The following CYP2C18 variants were observed in gnomAD, a reference collection of about 807,000 sequenced individuals.
The protein encoded by CYP2C18 is cytochrome P450 2C18.
In CYP2C18, 38 loss-of-function variants were observed where a neutral mutation model predicts 41.3. That is an observed-to-expected ratio of 0.92 (90% CI 0.71 to 1.21). The LOEUF (loss-of-function observed/expected upper bound fraction) is 1.21, where lower values mean the gene tolerates loss of function less well. Among genes scored for constraint, CYP2C18 ranks in the 50% most tolerant of loss-of-function variants. The pLI is 0.00. For missense variants in CYP2C18, 635 were observed against 591.4 expected, an observed-to-expected ratio of 1.07 and a Z score of -0.77; for synonymous variants, 236 against 210.0, an observed-to-expected ratio of 1.12 and a Z score of -1.07.
intron 1 of CYP2C18, among the ~76,000 whole-genome samples, chr10:94,687,184 T>C (rs1190188286): frequency 6.6e-6 from 1 of 152,218 alleles, no homozygotes; most frequent in Non-Finnish European, 1.5e-5. Context: ...CTCTGTTGGA[T>C]CCACTCTCCT....
intron 4 of CYP2C18, among the ~76,000 whole-genome samples, chr10:94,696,780 C>T (rs1209533266): frequency 2.6e-5 from 4 of 151,940 alleles, no homozygotes; most frequent in African/African-American, 9.6e-5. Context: ...CAGAAAAGTC[C>T]TTAAAGGACC....
In CYP2C18 at chr10:94,709,874, T is replaced by C. The variant is rs565853421; in HGVS notation, c.819+2914T>C. Among the ~76,000 whole-genome samples the C allele has an allele frequency of 2.0e-3, 311 of 152,332 alleles. 1 individual carries two copies. Among genetic ancestry groups the C allele is most frequent in the Non-Finnish European group, 2.8e-3 (190 of 68,036 alleles). On this transcript the variant is annotated intron_variant, in intron 5 of 8. Coordinates refer to ENST00000285979, the MANE Select transcript of CYP2C18 (RefSeq NM_000772.3). ...AGACTATTCATTCCCCATTGAGTGA[T>C]CGTGGTACATTTGTTGAAATTCAGT...
chr10:94,704,324 G>GTT (rs148848113), intron 4 of CYP2C18, among the ~76,000 whole-genome samples: 113 of 145,068 alleles, frequency 7.8e-4, no homozygotes, highest in African/African-American at 2.2e-3. Context: ...GCCTGCTATA[G>GTT]TTTTTATTTT....
intron 3 of CYP2C18, among the ~76,000 whole-genome samples, chr10:94,693,638 C>A (rs1847057522): frequency 6.6e-6 from 1 of 152,148 alleles, no homozygotes; most frequent in South Asian, 2.1e-4. Flanking sequence ...AAAATTATCC[C>A]CTGCCTTCCA....
At chr10:94,690,182 G>C (rs535902358) in intron 3 of CYP2C18, among the ~76,000 whole-genome samples, 2 of 152,008 alleles carry the variant, frequency 1.3e-5, no homozygotes, top group South Asian at 4.1e-4. Flanking sequence ...CAAAATCCTC[G>C]GTGAATTTTA....
In CYP2C18 at chr10:94,695,935, AG is replaced by A. The variant is rs554866462; in HGVS notation, c.642+864del. On this transcript the variant is annotated intron_variant, in intron 4 of 8. Coordinates refer to ENST00000285979, the MANE Select transcript of CYP2C18 (RefSeq NM_000772.3). ...TGCAAGATGGCAATGAGGCTGGGGG[AG>A]GGGGGCCTGCCATTACTGAGGCTTG... is the stretch of plus-strand genomic sequence containing the variant. 3.4e-3 allele frequency among the ~76,000 whole-genome samples: 514 copies of A among 152,078 alleles called. 2 individuals carry two copies. Among genetic ancestry groups the A allele is most frequent in the African/African-American group, 0.012 (497 of 41,488 alleles).
chr10:94,719,051 C>G (rs1847603993), intron 5 of CYP2C18, among the ~76,000 whole-genome samples: 1 of 152,108 alleles, frequency 6.6e-6, no homozygotes. Flanking sequence ...CTTTCTCTCA[C>G]AGGGAATTGA....
intron 7 of CYP2C18, among the ~76,000 whole-genome samples, chr10:94,726,108 C>A (rs1847735809): frequency 6.6e-6 from 1 of 152,098 alleles, no homozygotes. Flanking sequence ...AGAAAGGGTT[C>A]ATCCCTCCCA....
intron 4 of CYP2C18, among the ~76,000 whole-genome samples, chr10:94,705,435 A>T (rs1847324760): frequency 6.6e-6 from 1 of 152,206 alleles, no homozygotes; most frequent in African/African-American, 2.4e-5. Context: ...TGAAGAGTTT[A>T]TAGGTGCAGT....
chr10:94,722,517 A>G (rs1002831415), intron 6 of CYP2C18, among the ~76,000 whole-genome samples: 13 of 152,168 alleles, frequency 8.5e-5, no homozygotes, highest in African/African-American at 3.1e-4. Context: ...AAGGATGATA[A>G]CCAATTTGGC....
chr10:94,731,155 C>T (rs147292805), intron 7 of CYP2C18, among the ~76,000 whole-genome samples: 45 of 152,164 alleles, frequency 3.0e-4, no homozygotes, highest in African/African-American at 3.4e-4. Context: ...CCAAGGCCAG[C>T]GGATCACAAG....
At chr10:94,713,947 T>A (rs1847493372) in intron 5 of CYP2C18, among the ~76,000 whole-genome samples, 1 of 152,242 alleles carries the variant, frequency 6.6e-6, no homozygotes, top group South Asian at 2.1e-4. Flanking sequence ...TGAACATTTT[T>A]TCATGTGTCT....
At chr10:94,698,100 G>A (rs565645928) in intron 4 of CYP2C18, among the ~76,000 whole-genome samples, 10 of 152,282 alleles carry the variant, frequency 6.6e-5, no homozygotes, top group Admixed American at 6.5e-4. Flanking sequence ...AGGATATCCA[G>A]GAACTGAACT....
At chr10:94,711,995 C>G (rs1003438081) in intron 5 of CYP2C18, among the ~76,000 whole-genome samples, 8 of 124,694 alleles carry the variant, frequency 6.4e-5, no homozygotes, top group African/African-American at 2.5e-4. Flanking sequence ...GTGCATGCCA[C>G]CATGCCCAAC....
intron 7 of CYP2C18, among the ~76,000 whole-genome samples, chr10:94,724,814 T>C (rs74152341): frequency 0.022 from 3,315 of 152,074 alleles, 119 homozygotes; most frequent in African/African-American, 0.074. Flanking sequence ...GTGTTGAAAG[T>C]ATCATTTTGT....
chr10:94,691,249 A>G (rs574195766), intron 3 of CYP2C18, among the ~76,000 whole-genome samples: 86 of 152,292 alleles, frequency 5.6e-4, no homozygotes, highest in African/African-American at 2.0e-3. Context: ...GTTTGCAGAT[A>G]ACATGATTGT....
chr10:94,695,108 T>C (rs764292082), intron 4 of CYP2C18, 31 bp downstream of exon 4: 13 of 1,552,040 alleles, frequency 8.4e-6, no homozygotes, highest in South Asian at 1.2e-5. Context: ...TCCTGAGATA[T>C]TATTTTTGTT....
intron 8 of CYP2C18, among the ~76,000 whole-genome samples, chr10:94,734,840 A>T (rs1478340729): frequency 6.6e-6 from 1 of 152,178 alleles, no homozygotes; most frequent in Non-Finnish European, 1.5e-5. Context: ...TGTACTTTTG[A>T]AAGTACACTA....
rs1312962167 is a variant in CYP2C18 at position 94,735,254 on chromosome 10, T to C, written c.1292-9T>C. The C allele has an allele frequency of 1.2e-6, 2 of 1,613,050 alleles. No homozygotes were observed. The highest frequency in any genetic ancestry group is 1.7e-6 in the Non-Finnish European group (2 of 1,179,424). On this transcript the variant is annotated splice_polypyrimidine_tract_variant and intron_variant, in intron 8 of 8. Transcript: ENST00000285979. ...CAAGGAACAAATCCCCTATGTCTCT[T>C]ATTTTCAGGAAAACGGATGTGTATG... is the stretch of plus-strand genomic sequence containing the variant.
Sources: allele counts gnomAD v4.1 joint callset (sites outside exome capture counted in the v4.1 genomes callset), GRCh38; gene constraint gnomAD v4.1.1; transcripts MANE v1.5; gene names NCBI Gene and HGNC (gene_info 2026-07-23, HGNC 2026-07-21).